SRD5A2: variants seen among roughly 807,000 people sequenced by gnomAD.
The protein encoded by SRD5A2 is steroid 5 alpha-reductase 2.
SRD5A2 carries 30 observed loss-of-function variants against 27.4 expected under a neutral mutation model. The observed-to-expected ratio is 1.10, with a 90% confidence interval of 0.82 to 1.49. The LOEUF (loss-of-function observed/expected upper bound fraction) is 1.49. Ranked by LOEUF, SRD5A2 falls within the 40% of genes most tolerant of loss-of-function variation. The pLI is 0.00. For missense variants in SRD5A2, 348 were observed against 323.4 expected (o/e 1.08, Z -0.58); for synonymous variants, 141 against 133.6 (o/e 1.06, Z -0.38).
chr2:31,654,541 G>C, the SRD5A2 span, among the ~76,000 whole-genome samples: 5 of 152,296 alleles, frequency 3.3e-5, no homozygotes, highest in Non-Finnish European at 7.3e-5. Flanking sequence ...AACATGTAAT[G>C]CAGCAGAGTT....
At chr2:31,582,873 C>A (rs958907233), upstream of SRD5A2, among the ~76,000 whole-genome samples, 6 of 151,438 alleles carry the variant, frequency 4.0e-5, no homozygotes, top group Non-Finnish European at 5.9e-5. Flanking sequence ...TTTCATGATA[C>A]CATACAGCAT....
At chr2:31,587,923 T>C in the SRD5A2 span, among the ~76,000 whole-genome samples, 7 of 152,122 alleles carry the variant, frequency 4.6e-5, no homozygotes, top group Non-Finnish European at 8.8e-5. Context: ...TTTTTAAAAA[T>C]TTTAAAAAGA....
chr2:31,640,115 G>T, the SRD5A2 span, among the ~76,000 whole-genome samples: 1 of 150,240 alleles, frequency 6.7e-6, no homozygotes, highest in Admixed American at 6.6e-5. Context: ...CTTTTGCTTA[G>T]TTCATTTTGC....
At chr2:31,621,410 G>T in the SRD5A2 span, among the ~76,000 whole-genome samples, 2 of 152,040 alleles carry the variant, frequency 1.3e-5, no homozygotes, top group African/African-American at 4.8e-5. Context: ...ATTCCTTGAG[G>T]ATTCATCCAT....
the SRD5A2 span, among the ~76,000 whole-genome samples, chr2:31,660,136 G>A: frequency 2.6e-5 from 4 of 151,820 alleles, no homozygotes; most frequent in African/African-American, 9.7e-5. Context: ...ATTTTTTAAA[G>A]TGGTCATAGA....
At chr2:31,617,188 G>A in the SRD5A2 span, among the ~76,000 whole-genome samples, 1 of 151,810 alleles carries the variant, frequency 6.6e-6, no homozygotes, top group Non-Finnish European at 1.5e-5. Flanking sequence ...GTCTTTATCA[G>A]CAGCATGAAA....
At chr2:31,572,134 G>A (rs1009422693) in intron 1 of SRD5A2, among the ~76,000 whole-genome samples, 1 of 152,160 alleles carries the variant, frequency 6.6e-6, no homozygotes, top group African/African-American at 2.4e-5. Context: ...ATACACCATG[G>A]AATATTATGC....
chr2:31,571,097 C>T (rs1436317190), intron 1 of SRD5A2, among the ~76,000 whole-genome samples: 1 of 152,270 alleles, frequency 6.6e-6, no homozygotes, highest in African/African-American at 2.4e-5. Flanking sequence ...AAGCTGGAGG[C>T]ACCACATTAC....
chr2:31,584,502 A>T (rs142413332), upstream of SRD5A2, among the ~76,000 whole-genome samples: 1 of 152,338 alleles, frequency 6.6e-6, no homozygotes, highest in East Asian at 1.9e-4. Flanking sequence ...ATGGTCCTCC[A>T]TAACACTGTC....
At chr2:31,631,750 G>A in the SRD5A2 span, among the ~76,000 whole-genome samples, 33 of 152,252 alleles carry the variant, frequency 2.2e-4, no homozygotes, top group East Asian at 3.1e-3. Context: ...AGAGTTTGGC[G>A]ATCTCTGTTA....
At chr2:31,612,256 G>A in the SRD5A2 span, among the ~76,000 whole-genome samples, 1 of 151,540 alleles carries the variant, frequency 6.6e-6, no homozygotes, top group Non-Finnish European at 1.5e-5. Context: ...ATTCCAGCCT[G>A]GGTGACAGAG....
the SRD5A2 span, among the ~76,000 whole-genome samples, chr2:31,616,832 G>C: frequency 6.6e-6 from 1 of 152,144 alleles, no homozygotes; most frequent in Non-Finnish European, 1.5e-5. Context: ...TGAGATTTAG[G>C]AGGGGCCAGA....
At chr2:31,638,383 T>G in the SRD5A2 span, among the ~76,000 whole-genome samples, 2 of 152,124 alleles carry the variant, frequency 1.3e-5, no homozygotes, top group Admixed American at 1.3e-4. Context: ...CATGTGCTGA[T>G]TAAAAGAATG....
At chr2:31,571,926 C>A (rs1392600590) in intron 1 of SRD5A2, among the ~76,000 whole-genome samples, 3 of 152,004 alleles carry the variant, frequency 2.0e-5, no homozygotes, top group African/African-American at 7.2e-5. Flanking sequence ...GGAGGAATTT[C>A]TCAAATAATT....
At chr2:31,599,460 T>G in the SRD5A2 span, among the ~76,000 whole-genome samples, 1 of 152,158 alleles carries the variant, frequency 6.6e-6, no homozygotes, top group East Asian at 1.9e-4. Context: ...TCAAGCATTT[T>G]CTCTGACCAC....
At chr2:31,544,043 C>G (rs1355622517) in intron 1 of SRD5A2, among the ~76,000 whole-genome samples, 1 of 151,868 alleles carries the variant, frequency 6.6e-6, no homozygotes, top group African/African-American at 2.4e-5. Context: ...TGTGGCTGTA[C>G]TAACAGGCAA....
At chr2:31,639,704 G>C in the SRD5A2 span, among the ~76,000 whole-genome samples, 1 of 151,692 alleles carries the variant, frequency 6.6e-6, no homozygotes, top group Non-Finnish European at 1.5e-5. Context: ...CTATTTAAAA[G>C]CCTGTTGCAA....
At chr2:31,627,013 T>C in the SRD5A2 span, among the ~76,000 whole-genome samples, 1 of 152,198 alleles carries the variant, frequency 6.6e-6, no homozygotes, top group African/African-American at 2.4e-5. Flanking sequence ...TGGTAGGCTA[T>C]TAATTGTTGC....
the SRD5A2 span, among the ~76,000 whole-genome samples, chr2:31,638,967 T>C: frequency 1.3e-5 from 2 of 152,126 alleles, no homozygotes; most frequent in Middle Eastern, 6.8e-3. Context: ...GCTTGTTTTC[T>C]GGTTGTTTTG....
Sources: allele counts gnomAD v4.1 joint callset (sites outside exome capture counted in the v4.1 genomes callset), GRCh38; gene constraint gnomAD v4.1.1; transcripts MANE v1.5; gene names NCBI Gene and HGNC (gene_info 2026-07-23, HGNC 2026-07-21).